Variants in PACSIN2 observed in about 807,000 individuals in gnomAD.
PACSIN2 encodes protein kinase C and casein kinase substrate in neurons protein 2.
A neutral mutation model predicts 63.8 loss-of-function variants in PACSIN2; 25 were observed. The ratio of observed to expected loss-of-function variants is 0.39; its 90% CI spans 0.29 to 0.55. The LOEUF (loss-of-function observed/expected upper bound fraction) is 0.55, where lower values mean the gene tolerates loss of function less well. PACSIN2 is among the 20% of genes least tolerant of loss of function. PACSIN2 has a pLI of 0.62. For missense variants in PACSIN2, 518 were observed against 646.9 expected (o/e 0.80, Z 2.16); for synonymous variants, 255 against 256.2 (o/e 1.00, Z 0.05).
intron 1 of PACSIN2, among the ~76,000 whole-genome samples, chr22:43,010,303 C>T (rs970021634): frequency 3.3e-5 from 5 of 150,900 alleles, no homozygotes; most frequent in African/African-American, 1.2e-4. Flanking sequence ...CTTTGGGAAC[C>T]CGAGATGGGA....
chr22:42,996,408 C>G (rs904592006), intron 1 of PACSIN2, among the ~76,000 whole-genome samples: 5 of 150,860 alleles, frequency 3.3e-5, no homozygotes, highest in Non-Finnish European at 7.4e-5. Context: ...GGCACACGCC[C>G]GTAATCCCAG....
At chr22:43,007,986 T>C (rs1046688890) in intron 1 of PACSIN2, among the ~76,000 whole-genome samples, 9 of 152,198 alleles carry the variant, frequency 5.9e-5, no homozygotes, top group Non-Finnish European at 1.2e-4. Context: ...GGCAGCTTAA[T>C]GGAGTGCCCC....
At chr22:42,883,046 G>A (rs978092402) in intron 6 of PACSIN2, among the ~76,000 whole-genome samples, 1 of 152,160 alleles carries the variant, frequency 6.6e-6, no homozygotes, top group Admixed American at 6.5e-5. Flanking sequence ...GGTCTTTATA[G>A]AGGTAATCAA....
At chr22:42,995,668 T>C (rs996138557) in intron 1 of PACSIN2, among the ~76,000 whole-genome samples, 3 of 152,200 alleles carry the variant, frequency 2.0e-5, no homozygotes, top group South Asian at 2.1e-4. Context: ...ACAGTAAATA[T>C]ACAGATTTGG....
intron 1 of PACSIN2, among the ~76,000 whole-genome samples, chr22:42,983,386 A>G (rs1429493894): frequency 1.4e-5 from 2 of 146,782 alleles, no homozygotes; most frequent in Non-Finnish European, 3.0e-5. Context: ...GCTACTTGGG[A>G]GGCTGAGGCA....
chr22:42,875,158 T>C (rs940620326), intron 10 of PACSIN2, among the ~76,000 whole-genome samples: 2 of 151,946 alleles, frequency 1.3e-5, no homozygotes, highest in Admixed American at 1.3e-4. Context: ...CCTACTTTTT[T>C]TTTTTTTTAA....
chr22:43,012,307 CAA>C (rs35192048), intron 1 of PACSIN2, among the ~76,000 whole-genome samples: 5 of 51,808 alleles, frequency 9.7e-5, no homozygotes, highest in African/African-American at 2.4e-4. Context: ...GACTCTCTCT[CAA>C]AAAAAAAAAA....
rs1929669980 is a variant in PACSIN2 at position 42,888,692 on chromosome 22, A to G, written c.560T>C (p.Leu187Pro). The G allele has an allele frequency of 6.2e-7, 1 of 1,614,022 alleles. No homozygotes were observed. Among genetic ancestry groups the G allele is most frequent in the Admixed American group, 1.7e-5 (1 of 59,988 alleles). ...TTCTATTTTGTCTTGCAATTTCTTGAGCTGTTCAGGGTTGAGGGATGGGTC... is the reference window on the plus strand; with the variant it reads ...TTCTATTTTGTCTTGCAATTTCTTGGGCTGTTCAGGGTTGAGGGATGGGTC... ...KADPSLNPEQ[L>P]KKLQDKIEKC... Residue 187 changes from leucine to proline, a missense_variant, in exon 5 of 11, where the codon CTC (leucine) becomes CCC (proline). Physicochemically the swap from Leu to Pro is moderately conservative, Grantham distance 98. Around this residue, in one of 2 missense-constraint regions of PACSIN2, gnomAD observed 507 missense variants for 612.3 expected, o/e 0.83. Transcript: ENST00000263246.
intron 1 of PACSIN2, among the ~76,000 whole-genome samples, chr22:42,941,891 C>T (rs563499295): frequency 6.6e-6 from 1 of 152,294 alleles, no homozygotes; most frequent in South Asian, 2.1e-4. Flanking sequence ...ATTCTCCTGC[C>T]TCAGCCTCCT....
chr22:42,975,976 C>T (rs556984811), intron 1 of PACSIN2, among the ~76,000 whole-genome samples: 4 of 152,306 alleles, frequency 2.6e-5, no homozygotes, highest in African/African-American at 9.6e-5. Context: ...TGCTGAGACA[C>T]CCTGGCCCCC....
intron 1 of PACSIN2, among the ~76,000 whole-genome samples, chr22:42,999,543 C>T (rs1439630113): frequency 2.6e-5 from 4 of 152,170 alleles, no homozygotes; most frequent in East Asian, 1.9e-4. Context: ...GTGGTACATG[C>T]CTGTAATCCC....
chr22:42,872,705 C>G (rs1373264978), intron 10 of PACSIN2, among the ~76,000 whole-genome samples: 1 of 152,182 alleles, frequency 6.6e-6, no homozygotes, highest in Non-Finnish European at 1.5e-5. Flanking sequence ...CATCTGTGGA[C>G]TGGGGGTACT....
chr22:42,986,686 AC>A (rs1227734032), intron 1 of PACSIN2, among the ~76,000 whole-genome samples: 1 of 152,170 alleles, frequency 6.6e-6, no homozygotes, highest in Non-Finnish European at 1.5e-5. Flanking sequence ...AACATCAGTG[AC>A]CACTGAGAGG....
intron 1 of PACSIN2, among the ~76,000 whole-genome samples, chr22:42,933,490 T>C (rs1169516077): frequency 6.6e-6 from 1 of 152,212 alleles, no homozygotes; most frequent in African/African-American, 2.4e-5. Flanking sequence ...AACACACCCA[T>C]GTTCATGTTT....
intron 1 of PACSIN2, among the ~76,000 whole-genome samples, chr22:43,003,581 C>T (rs1358663027): frequency 2.0e-5 from 3 of 152,112 alleles, no homozygotes; most frequent in Non-Finnish European, 1.5e-5. Flanking sequence ...CCAGCCTGGG[C>T]GACAGAGCAA....
At chr22:42,937,522 T>C (rs1351841909) in intron 1 of PACSIN2, among the ~76,000 whole-genome samples, 8 of 152,200 alleles carry the variant, frequency 5.3e-5, no homozygotes, top group Non-Finnish European at 1.0e-4. Flanking sequence ...CCTGCCTAGA[T>C]GTCCCGGCTC....
chr22:42,891,076 G>A lies in PACSIN2; in HGVS notation c.324C>T (p.Asp108=), dbSNP rs765700291. The part of the protein sequence containing the change: ...LEVKASLMND[D]FEKIKNWQKE... ...TCTGCCAGTTCTTGATCTTCTCGAA[G>A]TCATCGTTCATCAGTGAGGCCTTCA... is the stretch of plus-strand genomic sequence containing the variant. The change falls in exon 4 of 11, where the codon GAC becomes GAT. Residue 108 remains aspartate (D), a synonymous_variant. Coordinates refer to ENST00000263246, the MANE Select transcript of PACSIN2 (RefSeq NM_001184970.3). 3.1e-6 allele frequency: 5 copies of A among 1,614,154 alleles called. No individual in the cohort carries two copies. The Admixed American group carries it at 8.3e-5, about 27-fold the overall frequency.
At chr22:42,957,057 G>C (rs996347725) in intron 1 of PACSIN2, among the ~76,000 whole-genome samples, 1 of 152,062 alleles carries the variant, frequency 6.6e-6, no homozygotes, top group Middle Eastern at 3.2e-3. Context: ...TGGGAGAAGC[G>C]AACTAAGCCA....
At chr22:42,963,913 C>A (rs954210875) in intron 1 of PACSIN2, among the ~76,000 whole-genome samples, 4 of 133,926 alleles carry the variant, frequency 3.0e-5, no homozygotes, top group Non-Finnish European at 1.6e-5. Context: ...AAAAAAAAAA[C>A]AGCTTTATTG....
Sources: gnomAD v4.1 joint callset for allele counts (sites outside exome capture counted in the v4.1 genomes callset) on GRCh38, gnomAD v4.1.1 for gene constraint, gnomAD v4.1.1 regional missense constraint, MANE v1.5 for transcripts, NCBI Gene and HGNC (gene_info 2026-07-23, HGNC 2026-07-21) for gene names.